Variants in CHD7 observed in about 807,000 individuals in gnomAD.
The protein encoded by CHD7 is chromodomain helicase DNA binding protein 7, also known as ATP-dependent chromatin remodeler CHD7.
CHD7 carries 24 observed loss-of-function variants against 307.3 expected under a neutral mutation model. The ratio of observed to expected loss-of-function variants is 0.08; its 90% CI spans 0.06 to 0.11. CHD7 has a LOEUF of 0.11. CHD7 is among the 10% of genes least tolerant of loss of function. The pLI is 1.00. For synonymous variants in CHD7, 1,363 were observed against 1,349.9 expected (o/e 1.01, Z -0.21); for missense variants, 3,106 against 3,727.1 (o/e 0.83, Z 4.34).
chr8:60,747,016 T>C (rs1190018723), intron 2 of CHD7, among the ~76,000 whole-genome samples: 1 of 152,246 alleles, frequency 6.6e-6, no homozygotes, highest in Non-Finnish European at 1.5e-5. Flanking sequence ...ATGTGAGTTA[T>C]ATGTATTGAT....
At chr8:60,823,588 A>C (rs755775012) in intron 12 of CHD7, among the ~76,000 whole-genome samples, 1 of 152,224 alleles carries the variant, frequency 6.6e-6, no homozygotes, top group Non-Finnish European at 1.5e-5. Flanking sequence ...GGGTACGCTT[A>C]GTGGTAATTG....
Position 60,866,050 on chromosome 8 carries a change from C to CA in CHD7, c.*127dup, listed in dbSNP as rs11322994. On this transcript the variant is annotated 3_prime_UTR_variant, in exon 38 of 38. Transcript: ENST00000423902. ...TAAGCTGTTCTGTAACATAGTGTAG[C>CA]AAAAAAAAAAGTTCAAGTCATGTTA... The CA allele has an allele frequency of 5.7e-3, 4,552 of 802,052 alleles. No individual in the cohort carries two copies. Among genetic ancestry groups the CA allele is most frequent in the Non-Finnish European group, 6.5e-3 (3,522 of 544,206 alleles). 49.7% of individuals were successfully genotyped at this position (802,052 alleles called of 1,614,324 possible). A position where few individuals can be genotyped will look rare whatever the true frequency, so the allele number is the denominator to read the frequency against.
At chr8:60,702,173 G>C (rs1806797363) in intron 1 of CHD7, among the ~76,000 whole-genome samples, 1 of 152,216 alleles carries the variant, frequency 6.6e-6, no homozygotes, top group Non-Finnish European at 1.5e-5. Context: ...TATGGGGGCA[G>C]GTGGTGTGTG....
intron 7 of CHD7, among the ~76,000 whole-genome samples, chr8:60,815,564 G>C (rs1250684426): frequency 1.3e-5 from 2 of 152,144 alleles, no homozygotes; most frequent in African/African-American, 4.8e-5. Context: ...GAAGAAAAGG[G>C]AAGTGCATAT....
In CHD7 at chr8:60,810,275, G is replaced by C. The variant is rs145420971; in HGVS notation, c.2498+2003G>C. Reference sequence around the variant, plus strand: ...GAAGGCTTGGTTGTTTTCAGTGAAGGGGGGGGCATTGAGAAACCAAGATTG... The same window carrying C: ...GAAGGCTTGGTTGTTTTCAGTGAAGCGGGGGGCATTGAGAAACCAAGATTG... On this transcript the variant is annotated intron_variant, in intron 7 of 37. Transcript: ENST00000423902. Among the ~76,000 whole-genome samples the C allele has an allele frequency of 1.5e-4, 23 of 150,898 alleles. 1 individual carries two copies. The highest frequency in any genetic ancestry group is 2.7e-4 in the African/African-American group (11 of 40,356).
chr8:60,866,252 C>T lies in CHD7; in HGVS notation c.*319C>T, dbSNP rs965905803. On this transcript the variant is annotated 3_prime_UTR_variant, in exon 38 of 38. Coordinates refer to ENST00000423902, the MANE Select transcript of CHD7 (RefSeq NM_017780.4). ...TATTATAATAAAGAGCAATTTGTAACTGAGTGGCACTAATGGAAGAAAGTG... is the reference window on the plus strand; with the variant it reads ...TATTATAATAAAGAGCAATTTGTAATTGAGTGGCACTAATGGAAGAAAGTG... 2.5e-4 allele frequency: 47 copies of T among 189,770 alleles called. No homozygotes were observed. The highest frequency in any genetic ancestry group is 1.1e-3 in the African/African-American group (45 of 42,606). The allele number at this position is 189,770 out of a possible 1,614,324, so 11.8% of individuals were successfully genotyped here.
At chr8:60,774,769 T>C (rs545806070) in intron 2 of CHD7, among the ~76,000 whole-genome samples, 1 of 152,346 alleles carries the variant, frequency 6.6e-6, no homozygotes, top group East Asian at 1.9e-4. Context: ...TTAGAATTTC[T>C]CAGACATTTA....
chr8:60,725,275 G>T (rs1808109121), intron 1 of CHD7, among the ~76,000 whole-genome samples: 1 of 152,204 alleles, frequency 6.6e-6, no homozygotes, highest in African/African-American at 2.4e-5. Context: ...CTCCTGAAGG[G>T]TTTTAAAAAT....
At chr8:60,714,182 G>T (rs1025465849) in intron 1 of CHD7, among the ~76,000 whole-genome samples, 1 of 151,942 alleles carries the variant, frequency 6.6e-6, no homozygotes, top group Non-Finnish European at 1.5e-5. Context: ...GGGCCCCCCG[G>T]GGGGCGGGGC....
chr8:60,703,204 A>T (rs942266988), intron 1 of CHD7, among the ~76,000 whole-genome samples: 3 of 152,280 alleles, frequency 2.0e-5, no homozygotes, highest in Admixed American at 2.0e-4. Flanking sequence ...TTAAGTGTAC[A>T]GTTCAGTGAT....
chr8:60,800,567 A>ACT (rs1554592811), intron 5 of CHD7, 42 bp downstream of exon 5: 72 of 1,551,784 alleles, frequency 4.6e-5, no homozygotes, highest in Admixed American at 7.5e-5. Flanking sequence ...CATTTTAAAG[A>ACT]TGGACTAGAA....
In CHD7 at chr8:60,808,197, G is replaced by C; in HGVS notation, c.2443-20G>C. 1 of 1,560,058 alleles carries C rather than the reference G, an allele frequency of 6.4e-7. No individual in the cohort carries two copies. Among genetic ancestry groups the C allele is most frequent in the Non-Finnish European group, 8.8e-7 (1 of 1,137,978 alleles). On this transcript the variant is annotated intron_variant, in intron 6 of 37. Coordinates refer to ENST00000423902, the MANE Select transcript of CHD7 (RefSeq NM_017780.4). ...AGTAGATGGTTTTAAATACATGCCT[G>C]AAATTTTCTTTTGTTGCAGAAGGAA...
rs1488006086 is a variant in CHD7 at position 60,837,960 on chromosome 8, C to T, written c.4354-116C>T. 20 of 1,259,326 alleles carry T rather than the reference C, an allele frequency of 1.6e-5. 1 individual carries two copies. The highest frequency in any genetic ancestry group is 1.2e-4 in the African/African-American group (8 of 65,832). The allele number at this position is 1,259,326 out of a possible 1,614,324, so 78.0% of individuals were successfully genotyped here. On this transcript the variant is annotated intron_variant, in intron 18 of 37. Coordinates refer to ENST00000423902, the MANE Select transcript of CHD7 (RefSeq NM_017780.4). ...AATATTTTAAGTGTATTTTGTAACA[C>T]TTTCCTTTGTTATAATTTAGGTTTA...
In CHD7 at chr8:60,822,141, A is replaced by G. The variant is rs1412484224; in HGVS notation, c.2953A>G (p.Asn985Asp). 1 of 1,610,196 alleles carries G rather than the reference A, an allele frequency of 6.2e-7. No homozygotes were observed. Among genetic ancestry groups the G allele is most frequent in the Non-Finnish European group, 8.5e-7 (1 of 1,178,250 alleles). Residue 985 changes from asparagine to aspartate, a missense_variant, in exon 11 of 38, where the codon AAC (asparagine) becomes GAC (aspartate). Asn to Asp is a conservative substitution (Grantham distance 23, BLOSUM62 1). Transcript: ENST00000423902. Reference protein sequence around the residue: ...GVNWLLFNWYNMRNCILADEM... With the variant: ...GVNWLLFNWYDMRNCILADEM... ...AAACTGGCTACTTTTCAATTGGTAC[A>G]ACATGTATGTAAAACAAGTTTTTCT...
chr8:60,773,035 A>G (rs530690155), intron 2 of CHD7, among the ~76,000 whole-genome samples: 3 of 152,322 alleles, frequency 2.0e-5, no homozygotes, highest in Admixed American at 2.0e-4. Flanking sequence ...TCAGTCATTT[A>G]TAAAGCAGCA....
At chr8:60,837,094 A>G in intron 17 of CHD7, 82 bp downstream of exon 17, 1 of 1,112,092 alleles carries the variant, frequency 9.0e-7, no homozygotes. Context: ...TCAGACCCAT[A>G]AATTAATGTT....
intron 2 of CHD7, among the ~76,000 whole-genome samples, chr8:60,749,242 A>T (rs144489547): frequency 0.024 from 3,580 of 151,890 alleles, 146 homozygotes; most frequent in African/African-American, 0.082. Context: ...GTGGTGGTGC[A>T]TGCCTGAAAT....
At chr8:60,723,239 A>C (rs987223100) in intron 1 of CHD7, among the ~76,000 whole-genome samples, 5 of 152,058 alleles carry the variant, frequency 3.3e-5, no homozygotes, top group African/African-American at 1.2e-4. Context: ...TACTTATTTT[A>C]TTTTATCATT....
chr8:60,795,432 T>C (rs773792466), intron 4 of CHD7, among the ~76,000 whole-genome samples: 1 of 152,248 alleles, frequency 6.6e-6, no homozygotes, highest in Non-Finnish European at 1.5e-5. Context: ...ATTGTTAATA[T>C]ACTGGCTCAT....
Sources: allele counts gnomAD v4.1 joint callset (sites outside exome capture counted in the v4.1 genomes callset), GRCh38; gene constraint gnomAD v4.1.1; transcripts MANE v1.5; gene names NCBI Gene and HGNC (gene_info 2026-07-23, HGNC 2026-07-21).